RGS12: variants seen among roughly 807,000 people sequenced by gnomAD.
RGS12 encodes the protein regulator of G-protein signaling 12.
A neutral mutation model predicts 120.1 loss-of-function variants in RGS12; 66 were observed. The ratio of observed to expected loss-of-function variants is 0.55; its 90% CI spans 0.45 to 0.67. The LOEUF is 0.67. RGS12 is among the 30% of genes least tolerant of loss of function. The probability of loss-of-function intolerance (pLI) is 0.00; values close to 1 mark genes in which losing one functional copy is unlikely to be tolerated. For synonymous variants in RGS12, 827 were observed against 804.7 expected, an observed-to-expected ratio of 1.03 and a Z score of -0.47; for missense variants, 1,859 against 1,957.7, an observed-to-expected ratio of 0.95 and a Z score of 0.95.
At chr4:3,287,004 G>T in the RGS12 span, among the ~76,000 whole-genome samples, 1 of 152,208 alleles carries the variant, frequency 6.6e-6, no homozygotes, top group Non-Finnish European at 1.5e-5. Flanking sequence ...GGGTGAATGG[G>T]TTGGGGCCAG....
chr4:3,386,173 G>A, intron 3 of RGS12: 1 of 576,128 alleles, frequency 1.7e-6, no homozygotes, highest in Non-Finnish European at 3.1e-6. Context: ...GACATGTTGG[G>A]ATCTGTTCTT....
intron 2 of RGS12, among the ~76,000 whole-genome samples, chr4:3,335,974 C>T (rs1712415389): frequency 6.6e-6 from 1 of 152,130 alleles, no homozygotes. Flanking sequence ...TGCCTGTAGT[C>T]CCCGCTACTT....
At chr4:3,379,039 G>A (rs1159141350) in intron 3 of RGS12, among the ~76,000 whole-genome samples, 2 of 135,124 alleles carry the variant, frequency 1.5e-5, no homozygotes, top group African/African-American at 5.1e-5. Context: ...GTGTGTGTGT[G>A]TGTGTGTTTA....
intron 4 of RGS12, among the ~76,000 whole-genome samples, chr4:3,399,760 G>C (rs1460613085): frequency 6.6e-6 from 1 of 152,258 alleles, no homozygotes; most frequent in African/African-American, 2.4e-5. Flanking sequence ...CTTAGGCTAA[G>C]TAATATTGCA....
intron 2 of RGS12, among the ~76,000 whole-genome samples, chr4:3,335,330 T>C (rs539764979): frequency 6.6e-6 from 1 of 152,196 alleles, no homozygotes; most frequent in Non-Finnish European, 1.5e-5. Flanking sequence ...AAATGGAATT[T>C]TGTTGATTCT....
chr4:3,416,760 A>C (rs575981572), intron 7 of RGS12, among the ~76,000 whole-genome samples, 153 bp from the exon 8 acceptor site: 26 of 152,364 alleles, frequency 1.7e-4, no homozygotes, highest in Admixed American at 1.1e-3. Context: ...ATAACTCTTA[A>C]GTACCCTCAG....
chr4:3,310,340 G>A (rs1724315991), intron 1 of RGS12, among the ~76,000 whole-genome samples: 1 of 152,182 alleles, frequency 6.6e-6, no homozygotes, highest in African/African-American at 2.4e-5. Flanking sequence ...GGGCGGGAGA[G>A]GAGCTGGGGC....
Position 3,316,479 on chromosome 4 carries a change from A to G in RGS12, c.309A>G (p.Glu103=). 6.2e-7 allele frequency: 1 copy of G among 1,614,168 alleles called. No individual in the cohort carries two copies. Among genetic ancestry groups the G allele is most frequent in the Non-Finnish European group, 8.5e-7 (1 of 1,180,050 alleles). Residue 103 remains glutamate, a synonymous_variant, in exon 2 of 18, where the codon GAA becomes GAG. Coordinates refer to ENST00000336727, the MANE Select transcript of RGS12 (RefSeq NM_001394154.1). ...MVIAEGVGRF[E]SCSSDEEGGL... Reference sequence around the variant, plus strand: ...TTGCTGAAGGCGTCGGCCGCTTCGAATCCTGTTCCAGTGATGAAGAAGGGG... The same window carrying G: ...TTGCTGAAGGCGTCGGCCGCTTCGAGTCCTGTTCCAGTGATGAAGAAGGGG...
intron 12 of RGS12, among the ~76,000 whole-genome samples, 190 bp downstream of exon 12, chr4:3,423,168 G>A (rs775132630): frequency 1.3e-5 from 2 of 152,152 alleles, no homozygotes; most frequent in Admixed American, 6.5e-5. Flanking sequence ...GGTGAGAGGC[G>A]CCCTCTCCTC....
chr4:3,439,538 G>T lies in RGS12; in HGVS notation c.4198G>T (p.Asp1400Tyr). ...TGTAACTGGCTCGGCGCCCGGGCGG[G>T]ATGGTGGCATAGCGGGGGCACAGGC... The part of the protein sequence containing the change: ...DLVTGSAPGR[D>Y]GGIAGAQAGP... The change falls in exon 18 of 18, where the codon GAT (aspartate) becomes TAT (tyrosine). Residue 1400 changes from aspartate to tyrosine, a missense_variant. Physicochemically the swap from Asp to Tyr is radical, Grantham distance 160 (BLOSUM62 -3). Around this residue, in one of 3 missense-constraint regions of RGS12, gnomAD observed 517 missense variants for 488.5 expected, o/e 1.06. Coordinates refer to ENST00000336727, the MANE Select transcript of RGS12 (RefSeq NM_001394154.1). 1 of 1,612,684 alleles carries T rather than the reference G, an allele frequency of 6.2e-7. No homozygotes were observed. Among genetic ancestry groups the T allele is most frequent in the Non-Finnish European group, 8.5e-7 (1 of 1,179,838 alleles).
chr4:3,298,396 G>A lies in RGS12; in HGVS notation c.-102+5297G>A, dbSNP rs1213258903. Among the ~76,000 whole-genome samples, 3 of 152,106 alleles carry A rather than the reference G, an allele frequency of 2.0e-5. No individual in the cohort carries two copies. In the East Asian group the frequency reaches 5.8e-4, roughly 29 times the overall value. ...GACGGAGTCTCACTCTTTTGCCCAG[G>A]CTGGAGTGCAGTGGTGCAGTCATAG... On this transcript the variant is annotated intron_variant, in intron 1 of 17. Transcript: ENST00000336727.
At chr4:3,300,923 T>C (rs969880756) in intron 1 of RGS12, among the ~76,000 whole-genome samples, 1 of 152,228 alleles carries the variant, frequency 6.6e-6, no homozygotes, top group African/African-American at 2.4e-5. Flanking sequence ...CTGGTATCTT[T>C]GGGGCTGCCG....
At chr4:3,408,947 G>A (rs1012816599) in intron 4 of RGS12, among the ~76,000 whole-genome samples, 2 of 152,250 alleles carry the variant, frequency 1.3e-5, no homozygotes, top group Non-Finnish European at 2.9e-5. Flanking sequence ...AGCAGTGCTG[G>A]GAGCAATTGG....
intron 4 of RGS12, among the ~76,000 whole-genome samples, chr4:3,408,733 C>T (rs1483245426): frequency 4.6e-5 from 7 of 152,166 alleles, no homozygotes; most frequent in African/African-American, 1.4e-4. Context: ...GTGGCATGGG[C>T]AGCCGGGGCT....
At chr4:3,335,610 G>T (rs555560208) in intron 2 of RGS12, among the ~76,000 whole-genome samples, 1 of 152,168 alleles carries the variant, frequency 6.6e-6, no homozygotes, top group Non-Finnish European at 1.5e-5. Flanking sequence ...CTCTCAGTTT[G>T]CAGTTTGCCC....
At chr4:3,405,363 C>A (rs1469360211) in intron 4 of RGS12, among the ~76,000 whole-genome samples, 1 of 152,196 alleles carries the variant, frequency 6.6e-6, no homozygotes, top group East Asian at 1.9e-4. Context: ...CAGAGGGACA[C>A]CGCATGGCTT....
chr4:3,400,120 A>G (rs1278438815), intron 4 of RGS12, among the ~76,000 whole-genome samples: 1 of 152,244 alleles, frequency 6.6e-6, no homozygotes, highest in Non-Finnish European at 1.5e-5. Context: ...GGCATAGAAG[A>G]TGGGAAGCTT....
At chr4:3,432,127 G>T in intron 17 of RGS12, 2 of 985,470 alleles carry the variant, frequency 2.0e-6, no homozygotes, top group Non-Finnish European at 2.4e-6. Context: ...TCTCACCTGC[G>T]TTTTGAGTCT....
At chr4:3,297,029 C>T (rs935206400) in intron 1 of RGS12, among the ~76,000 whole-genome samples, 4 of 152,224 alleles carry the variant, frequency 2.6e-5, no homozygotes, top group Admixed American at 6.5e-5. Flanking sequence ...CCTCGGGCTC[C>T]GGGCAAGGAA....
Sources: gnomAD v4.1 joint callset for allele counts (sites outside exome capture counted in the v4.1 genomes callset) on GRCh38, gnomAD v4.1.1 for gene constraint, gnomAD v4.1.1 regional missense constraint, MANE v1.5 for transcripts, NCBI Gene and HGNC (gene_info 2026-07-23, HGNC 2026-07-21) for gene names.